Variants in POLR1A observed in about 807,000 individuals in gnomAD.
The protein encoded by POLR1A is DNA-directed RNA polymerase I subunit RPA1.
POLR1A carries 84 observed loss-of-function variants against 205.3 expected under a neutral mutation model. The ratio of observed to expected loss-of-function variants is 0.41; its 90% CI spans 0.34 to 0.49. The LOEUF is 0.49. Ranked by LOEUF, POLR1A falls within the 20% of genes least tolerant of loss-of-function variation. The pLI is 0.22. For missense variants in POLR1A, 1,645 were observed against 2,204.5 expected (o/e 0.75, Z 5.08); for synonymous variants, 799 against 863.7 (o/e 0.93, Z 1.31).
At chr2:86,044,468 G>A in intron 21 of POLR1A, 164 bp from the exon 22 acceptor site, 2 of 674,552 alleles carry the variant, frequency 3.0e-6, no homozygotes, top group East Asian at 5.5e-5. Context: ...GTCTGGGCTT[G>A]CTCCAGTGTC....
rs201493508 is a variant in POLR1A at position 86,031,588 on chromosome 2, G to T, written c.4320C>A (p.Asn1440Lys). 1.1e-5 allele frequency: 18 copies of T among 1,613,422 alleles called. No homozygotes were observed. In the East Asian group the frequency reaches 3.1e-4, roughly 28 times the overall value. ...GTTCCTCCTGCATGTCTTCATCGTC[G>T]TTCTCCTCGCCCTCCCTCTCCTCCT... ...EEEEEREGEE[N>K]DDEDMQEERN... is the part of the protein sequence containing the mutation. The change falls in exon 30 of 34, where the codon AAC becomes AAA. Residue 1440 changes from asparagine to lysine, a missense_variant. Transcript: ENST00000263857.
intron 1 of POLR1A, 28 bp downstream of exon 1, chr2:86,105,672 T>C: frequency 6.5e-7 from 1 of 1,534,120 alleles, no homozygotes; most frequent in Non-Finnish European, 9.0e-7. Flanking sequence ...AGATCCAGGC[T>C]GGGCACGCTA....
At chr2:86,088,500 T>C (rs1673543672) in intron 6 of POLR1A, 66 bp downstream of exon 6, 4 of 977,216 alleles carry the variant, frequency 4.1e-6, no homozygotes, top group Non-Finnish European at 6.5e-6. Flanking sequence ...GAACCAGGTA[T>C]TCCCAGGGTT....
intron 3 of POLR1A, among the ~76,000 whole-genome samples, chr2:86,097,440 C>A (rs1341210175): frequency 6.6e-6 from 1 of 152,018 alleles, no homozygotes; most frequent in Non-Finnish European, 1.5e-5. Flanking sequence ...ATACCTGCAC[C>A]CCCATGGTTA....
chr2:86,079,892 C>T (rs1673364793), intron 9 of POLR1A, among the ~76,000 whole-genome samples: 1 of 152,162 alleles, frequency 6.6e-6, no homozygotes, highest in Non-Finnish European at 1.5e-5. Context: ...GACATCAACC[C>T]TGGTCACTGG....
chr2:86,075,302 A>T, intron 11 of POLR1A, 42 bp from the exon 12 acceptor site: 1 of 1,415,350 alleles, frequency 7.1e-7, no homozygotes, highest in Non-Finnish European at 9.8e-7. Flanking sequence ...GGCAGGGATA[A>T]AAAAAGGTCT....
chr2:86,103,561 A>G (rs1170562427), intron 1 of POLR1A, among the ~76,000 whole-genome samples: 1 of 152,264 alleles, frequency 6.6e-6, no homozygotes, highest in African/African-American at 2.4e-5. Context: ...CAGGCAACTT[A>G]AAACACTTCT....
At chr2:86,093,350 T>C (rs914610686) in intron 3 of POLR1A, among the ~76,000 whole-genome samples, 2 of 152,222 alleles carry the variant, frequency 1.3e-5, no homozygotes, top group African/African-American at 4.8e-5. Flanking sequence ...TCTTGAACCA[T>C]TTGACAGTAC....
Position 86,105,879 on chromosome 2 carries a change from G to A in POLR1A, c.-103C>T, listed in dbSNP as rs536482074. 9.3e-7 allele frequency: 1 copy of A among 1,073,086 alleles called. No individual in the cohort carries two copies. Among genetic ancestry groups the A allele is most frequent in the East Asian group, 2.5e-5 (1 of 40,278 alleles). The allele number at this position is 1,073,086 out of a possible 1,614,324, so 66.5% of individuals were successfully genotyped here. ...GCCCGGAGTCACCACGCGATTCAAC[G>A]TGCGCTTGCGCGCGGAAGCGGTCGC... On this transcript the variant is annotated 5_prime_UTR_variant, in exon 1 of 34. The change creates a new upstream start codon in the 5' untranslated region. Transcript: ENST00000263857.
chr2:86,063,969 C>T (rs543018181), intron 14 of POLR1A, among the ~76,000 whole-genome samples: 10 of 150,920 alleles, frequency 6.6e-5, no homozygotes, highest in Non-Finnish European at 8.9e-5. Flanking sequence ...TTAAGAAGTA[C>T]GTTATTTAGA....
intron 14 of POLR1A, 150 bp downstream of exon 14, chr2:86,065,124 A>G: frequency 1.4e-6 from 1 of 730,384 alleles, no homozygotes. Flanking sequence ...ACCCAGACTC[A>G]GGAACCCCAA....
In POLR1A at chr2:86,105,864, A is replaced by T; in HGVS notation, c.-88T>A. The stretch of plus-strand genomic sequence containing the variant: ...TTAATTCAACCTCAAGCCCGGAGTC[A>T]CCACGCGATTCAACGTGCGCTTGCG... On this transcript the variant is annotated 5_prime_UTR_variant, in exon 1 of 34. Coordinates refer to ENST00000263857, the MANE Select transcript of POLR1A (RefSeq NM_015425.6). The T allele has an allele frequency of 3.3e-6, 4 of 1,229,912 alleles. No individual in the cohort carries two copies. The highest frequency in any genetic ancestry group is 4.7e-6 in the Non-Finnish European group (4 of 850,386). The allele number at this position is 1,229,912 out of a possible 1,614,324, so 76.2% of individuals were successfully genotyped here.
At chr2:86,093,250 GGT>G (rs1558785764) in intron 3 of POLR1A, among the ~76,000 whole-genome samples, 1 of 152,000 alleles carries the variant, frequency 6.6e-6, no homozygotes, top group African/African-American at 2.4e-5. Context: ...ATGTCGAAAG[GGT>G]TCCCTATTTT....
At chr2:86,043,907 G>T (rs1239059254) in intron 22 of POLR1A, among the ~76,000 whole-genome samples, 2 of 152,154 alleles carry the variant, frequency 1.3e-5, no homozygotes, top group Non-Finnish European at 2.9e-5. Context: ...CCAAAGAGTA[G>T]GTATTATTCC....
rs533943770 is a variant in POLR1A, at chr2:86,070,867, T to C, written c.1612-595A>G. 6.6e-6 allele frequency among the ~76,000 whole-genome samples: 1 copy of C among 152,272 alleles called. No homozygotes were observed. The highest frequency in any genetic ancestry group is 1.5e-5 in the Non-Finnish European group (1 of 68,018). The stretch of plus-strand genomic sequence containing the variant: ...AAAAATTAAGAGCTGTAAATTGTCA[T>C]AGTCTTTTGGGAACAGAGTTTGAAA... On this transcript the variant is annotated intron_variant, in intron 12 of 33. Coordinates refer to ENST00000263857, the MANE Select transcript of POLR1A (RefSeq NM_015425.6). This position sits in a 1 kb window ranked among gnomAD's most constrained non-coding sequence, Gnocchi z 4.4.
intron 3 of POLR1A, among the ~76,000 whole-genome samples, chr2:86,095,885 C>A (rs1430432398): frequency 1.3e-5 from 2 of 151,864 alleles, no homozygotes; most frequent in Non-Finnish European, 2.9e-5. Flanking sequence ...CTGCCACCAC[C>A]CCCAGCTAAT....
chr2:86,020,384 A>G lies in POLR1A; in HGVS notation c.*7039T>C, dbSNP rs1350690316. On this transcript the variant is annotated 3_prime_UTR_variant, in exon 34 of 34. Transcript: ENST00000263857. ...CAACATGGTGAAACCCCGTCTCTAC[A>G]AAAAAATTAAAAAATTAGCTGGGCA... 6.6e-6 allele frequency: 1 copy of G among 151,776 alleles called. No individual in the cohort carries two copies. The highest frequency in any genetic ancestry group is 2.4e-5 in the African/African-American group (1 of 41,264). 9.4% of individuals were successfully genotyped at this position (151,776 alleles called of 1,614,324 possible).
rs774764516 is a variant in POLR1A at position 86,033,751 on chromosome 2, C to A, written c.4071G>T (p.Lys1357Asn). 2 of 1,614,024 alleles carry A rather than the reference C, an allele frequency of 1.2e-6. No homozygotes were observed. The highest frequency in any genetic ancestry group is 3.3e-5 in the Admixed American group (2 of 60,004). ...TCCTGAAAGCTGATGCTTTATTATT[C>A]TTCTTTTTGATGGATTCCATCAGAA... ...FKLLMESIKK[K>N]NNKASAFRNV... Residue 1357 changes from lysine (K) to asparagine (N), a missense_variant, in exon 28 of 34, where the codon AAG becomes AAT. Transcript: ENST00000263857.
intron 27 of POLR1A, 140 bp downstream of exon 27, chr2:86,038,560 C>G: frequency 1.3e-6 from 1 of 764,908 alleles, no homozygotes; most frequent in Non-Finnish European, 2.1e-6. Context: ...AGGCCCTCTG[C>G]TTCCTAAACA....
Sources: gnomAD v4.1 joint callset for allele counts (sites outside exome capture counted in the v4.1 genomes callset) on GRCh38, gnomAD v4.1.1 for gene constraint, Gnocchi (gnomAD v3.1) non-coding constraint, MANE v1.5 for transcripts, NCBI Gene and HGNC (gene_info 2026-07-23, HGNC 2026-07-21) for gene names.